ZNF492: variants seen among roughly 807,000 people sequenced by gnomAD.
ZNF492 encodes zinc finger protein 492.
Under a neutral mutation model 6.4 loss-of-function variants are expected in ZNF492, and 3 were observed. The ratio of observed to expected loss-of-function variants is 0.47; its 90% CI spans 0.21 to 1.22. ZNF492 has a LOEUF of 1.22. ZNF492 is among the 50% of genes most tolerant of loss of function. The pLI is 0.22. For synonymous variants in ZNF492, 112 were observed against 205.3 expected (o/e 0.55, Z 3.89); for missense variants, 356 against 612.5 (o/e 0.58, Z 4.42).
In ZNF492 at chr19:22,666,488, C is replaced by G. The variant is rs367574120; in HGVS notation, c.*1223C>G. ...TTACAGGTGTTAGCCACTGCGCCTG[C>G]CTGATGTTGTTTCTTTATTCCTATT... is the stretch of plus-strand genomic sequence containing the variant. On this transcript the variant is annotated 3_prime_UTR_variant, in exon 4 of 4. Coordinates refer to ENST00000456783, the MANE Select transcript of ZNF492 (RefSeq NM_020855.3). 2 of 151,976 alleles carry G rather than the reference C, an allele frequency of 1.3e-5. No homozygotes were observed. Among genetic ancestry groups the G allele is most frequent in the African/African-American group, 2.4e-5 (1 of 41,408 alleles). The allele number at this position is 151,976 out of a possible 1,614,324, so 9.4% of individuals were successfully genotyped here.
chr19:22,640,748 C>G lies in ZNF492; in HGVS notation c.-94+6274C>G, dbSNP rs182344721. Among the ~76,000 whole-genome samples, 313 of 152,280 alleles carry G rather than the reference C, an allele frequency of 2.1e-3. 2 individuals are homozygous for G. The highest frequency in any genetic ancestry group is 7.3e-3 in the African/African-American group (303 of 41,550). On this transcript the variant is annotated intron_variant, in intron 1 of 3. Coordinates refer to ENST00000456783, the MANE Select transcript of ZNF492 (RefSeq NM_020855.3). The stretch of plus-strand genomic sequence containing the variant: ...AATTCAGCTGTGAATCTATCTGGTC[C>G]TAGCCTATTTTGGTTGGTAGGCTAT...
rs1250113001 is a variant in ZNF492, at chr19:22,663,910, T to C, written c.241T>C (p.Leu81=). 6.3e-7 allele frequency: 1 copy of C among 1,598,136 alleles called. No individual in the cohort carries two copies. The highest frequency in any genetic ancestry group is 8.5e-7 in the Non-Finnish European group (1 of 1,174,150). The change falls in exon 4 of 4, where the codon TTA becomes CTA. Residue 81 remains leucine, a synonymous_variant. Transcript: ENST00000456783. ...AAAATGTGGATGTGAAAATTTACAG[T>C]TAAGAAAATACTGTAAAAGCATGGA... ...YKKCGCENLQ[L]RKYCKSMDEC...
At chr19:22,641,230 C>T (rs1971822538) in intron 1 of ZNF492, among the ~76,000 whole-genome samples, 1 of 152,130 alleles carries the variant, frequency 6.6e-6, no homozygotes, top group Non-Finnish European at 1.5e-5. Flanking sequence ...TCAATGTAAG[C>T]ATTTAATGCT....
chr19:22,655,361 A>ATT (rs34697215), intron 3 of ZNF492, among the ~76,000 whole-genome samples: 1 of 150,798 alleles, frequency 6.6e-6, no homozygotes, highest in African/African-American at 2.4e-5. Context: ...GTCTTCTCCA[A>ATT]TTTTTTTTTA....
At chr19:22,650,386 C>T (rs749076598) in intron 1 of ZNF492, among the ~76,000 whole-genome samples, 6 of 151,678 alleles carry the variant, frequency 4.0e-5, no homozygotes, top group Non-Finnish European at 7.3e-5. Context: ...GAGTATCTCA[C>T]CCAGTTGGGT....
chr19:22,655,810 C>CTTTTTTTTTTTT (rs1568355644), intron 3 of ZNF492, among the ~76,000 whole-genome samples: 1 of 59,380 alleles, frequency 1.7e-5, no homozygotes, highest in African/African-American at 7.4e-5. Context: ...TCAAGTTTTT[C>CTTTTTTTTTTTT]TTGTTGTTTT....
Position 22,664,543 on chromosome 19 carries a change from C to T in ZNF492, c.874C>T (p.Gln292Ter). The change falls in exon 4 of 4, where the codon CAG becomes TAG. Residue 292 changes from glutamine (Q) to a stop codon, truncating the protein, a stop_gained. Transcript: ENST00000456783. LOFTEE classifies it low-confidence loss of function (END_TRUNC). Reference sequence around the variant, plus strand: ...TGAAGAATGTGGCAAAGCTTTTAGCCAGTCCTCAACCCTTACTACACATAA... The same window carrying T: ...TGAAGAATGTGGCAAAGCTTTTAGCTAGTCCTCAACCCTTACTACACATAA... ...KCEECGKAFS[Q>*]SSTLTTHKII... The T allele has an allele frequency of 2.5e-6, 4 of 1,583,730 alleles. No homozygotes were observed. Among genetic ancestry groups the T allele is most frequent in the Non-Finnish European group, 3.4e-6 (4 of 1,166,826 alleles).
At chr19:22,643,982 G>A (rs1003987464) in intron 1 of ZNF492, among the ~76,000 whole-genome samples, 26 of 151,854 alleles carry the variant, frequency 1.7e-4, no homozygotes, top group Non-Finnish European at 2.8e-4. Flanking sequence ...GACAGGAAAG[G>A]AGAAACTTGT....
intron 3 of ZNF492, among the ~76,000 whole-genome samples, chr19:22,654,747 G>A (rs1340300895): frequency 2.7e-5 from 4 of 150,800 alleles, no homozygotes; most frequent in Middle Eastern, 3.4e-3. Context: ...GAATACAGGC[G>A]CGAGCCACCA....
chr19:22,648,454 TA>T (rs1183231208), intron 1 of ZNF492, among the ~76,000 whole-genome samples: 4 of 152,346 alleles, frequency 2.6e-5, no homozygotes, highest in Admixed American at 2.6e-4. Context: ...TGTAGATGCC[TA>T]TTAGGTCCAC....
intron 1 of ZNF492, among the ~76,000 whole-genome samples, chr19:22,636,248 C>T (rs922821722): frequency 7.2e-5 from 11 of 151,864 alleles, no homozygotes; most frequent in East Asian, 5.8e-4. Context: ...TACAGGCATG[C>T]GCCACCACTT....
chr19:22,635,968 G>A (rs957947974), intron 1 of ZNF492, among the ~76,000 whole-genome samples: 2 of 152,122 alleles, frequency 1.3e-5, no homozygotes, highest in African/African-American at 4.8e-5. Context: ...TGTCACTGAG[G>A]TACTAAGCAT....
At chr19:22,654,899 C>T (rs35355374) in intron 3 of ZNF492, among the ~76,000 whole-genome samples, 16,725 of 150,310 alleles carry the variant, frequency 0.11, 984 homozygotes, top group Middle Eastern at 0.16. Context: ...CCGTGCCTGA[C>T]TGAGAATTGT....
In ZNF492 at chr19:22,638,398, G is replaced by A. The variant is rs568792042; in HGVS notation, c.-94+3924G>A. On this transcript the variant is annotated intron_variant, in intron 1 of 3. Coordinates refer to ENST00000456783, the MANE Select transcript of ZNF492 (RefSeq NM_020855.3). Reference sequence around the variant, plus strand: ...TCTTGAGTTGATTTTTGTATGTGGTGTAATGAAAGGGTCCAGTTTCAATCT... The same window carrying A: ...TCTTGAGTTGATTTTTGTATGTGGTATAATGAAAGGGTCCAGTTTCAATCT... Among the ~76,000 whole-genome samples, 24 of 152,226 alleles carry A rather than the reference G, an allele frequency of 1.6e-4. No individual in the cohort carries two copies. In the South Asian group the frequency reaches 4.6e-3, roughly 29 times the overall value.
intron 3 of ZNF492, among the ~76,000 whole-genome samples, chr19:22,655,558 G>A (rs896329032): frequency 7.9e-5 from 12 of 151,106 alleles, no homozygotes; most frequent in African/African-American, 2.9e-4. Flanking sequence ...AAATTATTGA[G>A]TGTAATTATT....
intron 3 of ZNF492, among the ~76,000 whole-genome samples, chr19:22,654,274 C>A (rs1971971450): frequency 6.6e-6 from 1 of 152,094 alleles, no homozygotes; most frequent in South Asian, 2.1e-4. Flanking sequence ...CTCTTCATGG[C>A]ACATAAGAGA....
chr19:22,639,674 G>A (rs1224283480), intron 1 of ZNF492, among the ~76,000 whole-genome samples: 4 of 145,358 alleles, frequency 2.8e-5, no homozygotes, highest in East Asian at 2.0e-4. Flanking sequence ...TCGCGCCACC[G>A]CACCCCAGCC....
chr19:22,647,727 G>GTTTTTTTTTTTTTTTTTTTT (rs71180575), intron 1 of ZNF492, among the ~76,000 whole-genome samples: 18 of 92,572 alleles, frequency 1.9e-4, no homozygotes, highest in South Asian at 3.7e-4. Context: ...AGCTCTTTTA[G>GTTTTTTTTTTTTTTTTTTTT]TTTTTTTTTT....
intron 3 of ZNF492, among the ~76,000 whole-genome samples, chr19:22,659,597 G>C (rs565323397): frequency 0.069 from 9,343 of 135,154 alleles, 1,074 homozygotes; most frequent in African/African-American, 0.25. Flanking sequence ...CACACAGAGA[G>C]AGAGAGAGAC....
Sources: allele counts gnomAD v4.1 joint callset (sites outside exome capture counted in the v4.1 genomes callset), GRCh38; gene constraint gnomAD v4.1.1; transcripts MANE v1.5; gene names NCBI Gene and HGNC (gene_info 2026-07-23, HGNC 2026-07-21).